The following NOX4 variants were observed in gnomAD, a reference collection of about 807,000 sequenced individuals.
The protein encoded by NOX4 is NADPH oxidase 4.
A neutral mutation model predicts 87.6 loss-of-function variants in NOX4; 69 were observed. The ratio of observed to expected loss-of-function variants is 0.79; its 90% confidence interval spans 0.65 to 0.96. The LOEUF (loss-of-function observed/expected upper bound fraction) is 0.96. Ranked by LOEUF, NOX4 falls within the 40% of genes least tolerant of loss-of-function variation. The probability of loss-of-function intolerance (pLI) is 0.00; values close to 1 mark genes in which losing one functional copy is unlikely to be tolerated. For missense variants in NOX4, 680 were observed against 681.5 expected (o/e 1.00, Z 0.02); for synonymous variants, 275 against 238.2 (o/e 1.15, Z -1.42).
At chr11:89,546,862 C>T in the NOX4 span, among the ~76,000 whole-genome samples, 4 of 152,190 alleles carry the variant, frequency 2.6e-5, no homozygotes. Flanking sequence ...ATGAACTAAT[C>T]ACCTATTCAA....
intron 12 of NOX4, among the ~76,000 whole-genome samples, chr11:89,367,567 A>T (rs1366954212): frequency 2.0e-5 from 3 of 152,070 alleles, no homozygotes; most frequent in African/African-American, 7.2e-5. Context: ...TGCAGCAATC[A>T]TAGATCACTC....
At chr11:89,345,922 A>G (rs576806050) in intron 13 of NOX4, among the ~76,000 whole-genome samples, 24 of 152,290 alleles carry the variant, frequency 1.6e-4, no homozygotes, top group South Asian at 1.2e-3. Context: ...CTCTTATTCA[A>G]CATAGCACTG....
intron 2 of NOX4, among the ~76,000 whole-genome samples, chr11:89,474,452 T>C (rs1198972384): frequency 1.2e-5 from 1 of 82,182 alleles, no homozygotes; most frequent in South Asian, 3.4e-4. Flanking sequence ...GTATGATCTA[T>C]AATACCAAAA....
At chr11:89,479,130 C>T (rs1448038905) in intron 2 of NOX4, among the ~76,000 whole-genome samples, 1 of 152,092 alleles carries the variant, frequency 6.6e-6, no homozygotes, top group East Asian at 1.9e-4. Context: ...ACTTTCTCAT[C>T]TTATGAGATC....
At chr11:89,554,123 T>C in the NOX4 span, among the ~76,000 whole-genome samples, 11 of 151,878 alleles carry the variant, frequency 7.2e-5, no homozygotes, top group South Asian at 4.1e-4. Flanking sequence ...CAAGTATGTA[T>C]AATTACAAGT....
chr11:89,475,928 T>C (rs1946147244), intron 2 of NOX4, among the ~76,000 whole-genome samples: 1 of 152,146 alleles, frequency 6.6e-6, no homozygotes, highest in Non-Finnish European at 1.5e-5. Flanking sequence ...TTGCTTTTCT[T>C]GTGTGCTGTT....
chr11:89,364,053 T>A (rs368416015), intron 12 of NOX4, among the ~76,000 whole-genome samples: 1 of 152,050 alleles, frequency 6.6e-6, no homozygotes, highest in Non-Finnish European at 1.5e-5. Flanking sequence ...GAGACCAGCC[T>A]GGGCAACACA....
intron 2 of NOX4, among the ~76,000 whole-genome samples, chr11:89,488,088 A>C (rs58759312): frequency 0.22 from 33,367 of 151,894 alleles, 5,009 homozygotes; most frequent in African/African-American, 0.43. Context: ...AGCATGTAGA[A>C]AGACCATTCC....
the NOX4 span, among the ~76,000 whole-genome samples, chr11:89,584,265 T>C: frequency 6.6e-6 from 1 of 152,106 alleles, no homozygotes; most frequent in African/African-American, 2.4e-5. Context: ...TAAATATGAG[T>C]CTTTATATAT....
chr11:89,461,173 C>G (rs185234154), intron 2 of NOX4, among the ~76,000 whole-genome samples: 1 of 151,518 alleles, frequency 6.6e-6, no homozygotes, highest in African/African-American at 2.4e-5. Context: ...TGGGGGGAGC[C>G]GGGAGGGATA....
the NOX4 span, among the ~76,000 whole-genome samples, chr11:89,560,977 T>TCC: frequency 1.4e-5 from 1 of 72,496 alleles, no homozygotes; most frequent in Admixed American, 1.6e-4. Flanking sequence ...TCTCTCTCTC[T>TCC]CTCTCTCTCT....
At chr11:89,449,040 T>G (rs966383775) in intron 4 of NOX4, among the ~76,000 whole-genome samples, 1 of 152,168 alleles carries the variant, frequency 6.6e-6, no homozygotes, top group Admixed American at 6.5e-5. Context: ...GGCCAACTTT[T>G]GGATATCATA....
At chr11:89,525,694 T>C in the NOX4 span, among the ~76,000 whole-genome samples, 1 of 152,094 alleles carries the variant, frequency 6.6e-6, no homozygotes, top group Admixed American at 6.6e-5. Context: ...CTTAATGATG[T>C]CCATTGTAGA....
At chr11:89,329,333 T>C (rs552077265) in intron 17 of NOX4, among the ~76,000 whole-genome samples, 11 of 86,796 alleles carry the variant, frequency 1.3e-4, no homozygotes, top group African/African-American at 4.8e-4. Context: ...TTATCCAAAT[T>C]GAAGCCCACA....
the NOX4 span, among the ~76,000 whole-genome samples, chr11:89,503,746 T>C: frequency 6.6e-6 from 1 of 150,854 alleles, no homozygotes; most frequent in Non-Finnish European, 1.5e-5. Flanking sequence ...CTAGACAATA[T>C]CTAAGGTATT....
rs781357169 is a variant in NOX4, at chr11:89,400,423, T to C, written c.847-44A>G. ...AATATACTTCAAGAAATACTCATAT[T>C]GTAGAAATCTACACCCTGCCCAATT... is the stretch of plus-strand genomic sequence containing the variant. On this transcript the variant is annotated intron_variant, in intron 9 of 17. Transcript: ENST00000263317. The C allele has an allele frequency of 8.3e-6, 12 of 1,449,286 alleles. No individual in the cohort carries two copies. In the East Asian group the frequency reaches 2.9e-4, roughly 35 times the overall value. The allele number at this position is 1,449,286 out of a possible 1,614,324, so 89.8% of individuals were successfully genotyped here. A position where few individuals can be genotyped will look rare whatever the true frequency, so the allele number is the denominator to read the frequency against.
chr11:89,583,097 T>C, the NOX4 span, among the ~76,000 whole-genome samples: 3 of 152,326 alleles, frequency 2.0e-5, no homozygotes, highest in African/African-American at 4.8e-5. Context: ...TTCTTTTATA[T>C]AGCATAGCAG....
chr11:89,456,574 C>T (rs1270536077), intron 2 of NOX4, among the ~76,000 whole-genome samples: 1 of 152,148 alleles, frequency 6.6e-6, no homozygotes. Flanking sequence ...GCTGGGAGCC[C>T]TGTAGGGGGC....
chr11:89,419,373 T>C lies in NOX4; in HGVS notation c.629+2529A>G, dbSNP rs1942964015. Reference sequence around the variant, plus strand: ...AGTTAAAATATGTCTGTTTCCAACATTTGCACAAATAAATAGACTTAATTA... The same window carrying C: ...AGTTAAAATATGTCTGTTTCCAACACTTGCACAAATAAATAGACTTAATTA... On this transcript the variant is annotated intron_variant, in intron 8 of 17. Transcript: ENST00000263317. 2.6e-5 allele frequency among the ~76,000 whole-genome samples: 4 copies of C among 152,122 alleles called. No homozygotes were observed. The South Asian group carries it at 8.3e-4, about 32-fold the overall frequency.
Sources: gnomAD v4.1 joint callset for allele counts (sites outside exome capture counted in the v4.1 genomes callset) on GRCh38, gnomAD v4.1.1 for gene constraint, MANE v1.5 for transcripts, NCBI Gene and HGNC (gene_info 2026-07-23, HGNC 2026-07-21) for gene names.